The following FRMPD4 variants were observed in gnomAD, a reference collection of about 807,000 sequenced individuals.
FRMPD4 encodes FERM and PDZ domain containing 4, also known as FERM and PDZ domain-containing protein 4.
FRMPD4 carries 22 observed loss-of-function variants against 94.1 expected under a neutral mutation model. The ratio of observed to expected loss-of-function variants is 0.23; its 90% CI spans 0.17 to 0.33. FRMPD4 has a LOEUF of 0.33. FRMPD4 is among the 10% of genes least tolerant of loss of function. The probability of loss-of-function intolerance (pLI) is 1.00; values close to 1 mark genes in which losing one functional copy is unlikely to be tolerated. For synonymous variants in FRMPD4, 631 were observed against 548.6 expected (o/e 1.15, Z -2.10); for missense variants, 1,111 against 1,339.9 (o/e 0.83, Z 2.67).
In FRMPD4 at chrX:12,716,292, C is replaced by A. The variant is rs776472956; in HGVS notation, c.1833C>A (p.Ser611Arg). 4.1e-6 allele frequency: 5 copies of A among 1,208,734 alleles called. No individual in the cohort carries two copies. The highest frequency in any genetic ancestry group is 5.6e-6 in the Non-Finnish European group (5 of 893,915). ...YSSDGLNQQL[S>R]QPGEAPCEAD... is the part of the protein sequence containing the mutation. ...CAGATGGACTTAACCAGCAGCTGAG[C>A]CAGCCCGGGGAGGCCCCCTGTGAGG... The change falls in exon 15 of 17, where the codon AGC becomes AGA. Residue 611 changes from serine (S) to arginine (R), a missense_variant. Physicochemically the swap from Ser to Arg is moderately radical, Grantham distance 110. Coordinates refer to ENST00000675598, the MANE Select transcript of FRMPD4 (RefSeq NM_001368397.1).
intron 3 of FRMPD4, among the ~76,000 whole-genome samples, chrX:12,118,275 A>G (rs888407362): frequency 1.8e-5 from 2 of 111,525 alleles, no homozygotes; most frequent in East Asian, 5.6e-4. Context: ...TCTCTTCTTC[A>G]AGAGCCATTG....
intron 3 of FRMPD4, among the ~76,000 whole-genome samples, chrX:12,020,287 A>G (rs1383514580): frequency 1.8e-5 from 2 of 112,386 alleles, no homozygotes; most frequent in South Asian, 3.7e-4. Flanking sequence ...AGGTGATGCA[A>G]CCTACAGTAA....
chrX:12,003,359 C>T (rs1023152763), intron 3 of FRMPD4, among the ~76,000 whole-genome samples: 1 of 110,599 alleles, frequency 9.0e-6, no homozygotes, highest in Non-Finnish European at 1.9e-5. Context: ...GGTACATATA[C>T]ACCCATTAAC....
At chrX:12,245,890 A>G (rs972268599) in intron 1 of FRMPD4, among the ~76,000 whole-genome samples, 3 of 111,030 alleles carry the variant, frequency 2.7e-5, no homozygotes, top group Non-Finnish European at 3.8e-5. Flanking sequence ...TGGACTTCCT[A>G]GCCTCTAAAA....
At chrX:12,270,095 A>G (rs935783730) in intron 1 of FRMPD4, among the ~76,000 whole-genome samples, 4 of 111,957 alleles carry the variant, frequency 3.6e-5, no homozygotes, top group African/African-American at 1.3e-4. Flanking sequence ...TCCAGTTGCA[A>G]AAATATTGAT....
chrX:11,980,091 G>T (rs1194699760), intron 3 of FRMPD4, among the ~76,000 whole-genome samples: 1 of 111,346 alleles, frequency 9.0e-6, no homozygotes, highest in Non-Finnish European at 1.9e-5. Context: ...TTTTGTCACT[G>T]TGGAAGATTA....
chrX:12,560,608 C>G (rs1304103937), intron 2 of FRMPD4, among the ~76,000 whole-genome samples: 1 of 110,166 alleles, frequency 9.1e-6, no homozygotes, highest in East Asian at 2.8e-4. Context: ...TTCCAACAGT[C>G]CTTAATAAAT....
At chrX:12,314,702 A>G (rs2055086879) in intron 1 of FRMPD4, among the ~76,000 whole-genome samples, 1 of 110,972 alleles carries the variant, frequency 9.0e-6, no homozygotes, top group African/African-American at 3.3e-5. Context: ...TAACTTGGTA[A>G]TAGACCTGTT....
intron 1 of FRMPD4, among the ~76,000 whole-genome samples, chrX:11,846,422 G>C (rs1402605843): frequency 9.0e-6 from 1 of 110,958 alleles, no homozygotes; most frequent in Admixed American, 9.6e-5. Flanking sequence ...CCATGGGTAG[G>C]AAGAATCAAT....
intron 1 of FRMPD4, among the ~76,000 whole-genome samples, chrX:12,164,087 T>G (rs938001550): frequency 9.0e-6 from 1 of 110,938 alleles, no homozygotes; most frequent in African/African-American, 3.3e-5. Context: ...AGAATATATG[T>G]GCACAACGTG....
At chrX:12,685,827 C>G (rs757178317) in intron 6 of FRMPD4, among the ~76,000 whole-genome samples, 1 of 111,797 alleles carries the variant, frequency 8.9e-6, no homozygotes, top group South Asian at 3.8e-4. Context: ...ATGTCAAAGC[C>G]TAATCACAAA....
chrX:12,480,130 G>C lies in FRMPD4; in HGVS notation c.42-18550G>C, dbSNP rs149662573. On this transcript the variant is annotated intron_variant, in intron 1 of 16. Transcript: ENST00000675598. ...GGAAAAGAAGGAAAAGTAATTGCAA[G>C]AAGAAAATGAGAACAATTATATAAA... 7.8e-3 allele frequency among the ~76,000 whole-genome samples: 858 copies of C among 110,523 alleles called. 11 individuals are homozygous for C. The highest frequency in any genetic ancestry group is 0.026 in the African/African-American group (796 of 30,421).
At chrX:12,333,087 C>T (rs1034800307) in intron 1 of FRMPD4, among the ~76,000 whole-genome samples, 3 of 111,861 alleles carry the variant, frequency 2.7e-5, no homozygotes. Context: ...AAAAGTTTTT[C>T]AAGCATTATA....
rs781420042 is a variant in FRMPD4 at position 12,267,638 on chromosome X, C to G, written c.41+128626C>G. ...TTGAATATTTTGGAGTCTACCATAGCTTTTTGAGAAGAATCTGGTGTTCAT... is the reference window on the plus strand; with the variant it reads ...TTGAATATTTTGGAGTCTACCATAGGTTTTTGAGAAGAATCTGGTGTTCAT... On this transcript the variant is annotated intron_variant, in intron 1 of 16. Transcript: ENST00000675598. Among the ~76,000 whole-genome samples, 15 of 112,686 alleles carry G rather than the reference C, an allele frequency of 1.3e-4. No homozygotes were observed. The South Asian group carries it at 5.5e-3, about 41-fold the overall frequency.
intron 3 of FRMPD4, among the ~76,000 whole-genome samples, chrX:11,901,145 T>C (rs754601666): frequency 8.9e-6 from 1 of 111,936 alleles, no homozygotes; most frequent in Non-Finnish European, 1.9e-5. Flanking sequence ...GGTGGTTTTT[T>C]GTTACATGAG....
chrX:12,075,310 T>C (rs1192211186), intron 3 of FRMPD4, among the ~76,000 whole-genome samples: 1 of 107,558 alleles, frequency 9.3e-6, no homozygotes, highest in Non-Finnish European at 1.9e-5. Flanking sequence ...AATGTACCAC[T>C]CTGGTGAAGG....
intron 3 of FRMPD4, among the ~76,000 whole-genome samples, chrX:12,102,165 C>T (rs1026270033): frequency 8.9e-6 from 1 of 111,910 alleles, no homozygotes; most frequent in Admixed American, 9.5e-5. Flanking sequence ...TTCTCTTCTT[C>T]ATGTAAATGT....
At chrX:12,649,572 T>C (rs181398152) in intron 4 of FRMPD4, among the ~76,000 whole-genome samples, 28 of 111,794 alleles carry the variant, frequency 2.5e-4, no homozygotes, top group African/African-American at 7.8e-4. Context: ...TGAGAAGATA[T>C]GAGGATTTCT....
chrX:12,038,739 T>G (rs1314720245), intron 3 of FRMPD4, among the ~76,000 whole-genome samples: 1 of 112,234 alleles, frequency 8.9e-6, no homozygotes, highest in Non-Finnish European at 1.9e-5. Flanking sequence ...GCATAAATTT[T>G]TTCATAATGT....
Sources: allele counts gnomAD v4.1 joint callset (sites outside exome capture counted in the v4.1 genomes callset), GRCh38; gene constraint gnomAD v4.1.1; transcripts MANE v1.5; gene names NCBI Gene and HGNC (gene_info 2026-07-23, HGNC 2026-07-21).